FAM210A: variants seen among roughly 807,000 people sequenced by gnomAD.
The protein encoded by FAM210A is mitochondrial inner membrane scaffold 1.
In FAM210A, 13 loss-of-function variants were observed where a neutral mutation model predicts 25.3. The ratio of observed to expected loss-of-function variants is 0.51; its 90% CI spans 0.33 to 0.82. The LOEUF (loss-of-function observed/expected upper bound fraction) is 0.82, where lower values mean the gene tolerates loss of function less well. Ranked by LOEUF, FAM210A falls within the 40% of genes least tolerant of loss-of-function variation. FAM210A has a pLI of 0.02. For synonymous variants in FAM210A, 125 were observed against 118.7 expected, an observed-to-expected ratio of 1.05 and a Z score of -0.35; for missense variants, 319 against 323.2, an observed-to-expected ratio of 0.99 and a Z score of 0.10.
At chr18:13,719,291 C>T (rs549453050) in intron 1 of FAM210A, among the ~76,000 whole-genome samples, 353 of 152,166 alleles carry the variant, frequency 2.3e-3, no homozygotes, top group South Asian at 7.0e-3. Flanking sequence ...TTCATGCTTA[C>T]ATTAAAAATC....
In FAM210A at chr18:13,666,649, C is replaced by T. The variant is rs764696749; in HGVS notation, c.650G>A (p.Arg217His). ...GGTSVTVKYL[R>H]SHGYMSTPPP... ...CGGCGTGGACATGTAGCCATGACTG[C>T]GCAGATACTTCACAGTGACAGATGT... is the stretch of plus-strand genomic sequence containing the variant. The change falls in exon 4 of 4, where the codon CGC (arginine) becomes CAC (histidine). Residue 217 changes from arginine to histidine, a missense_variant. Arg to His is a conservative substitution (Grantham distance 29, BLOSUM62 0). Transcript: ENST00000651643. 35 of 1,614,062 alleles carry T rather than the reference C, an allele frequency of 2.2e-5. No individual in the cohort carries two copies. The highest frequency in any genetic ancestry group is 3.3e-5 in the South Asian group (3 of 91,082).
chr18:13,700,836 C>T (rs758199011), intron 1 of FAM210A, among the ~76,000 whole-genome samples: 66 of 152,190 alleles, frequency 4.3e-4, no homozygotes, highest in Non-Finnish European at 7.9e-4. Flanking sequence ...TTCCAGTGGC[C>T]AGCCATACTT....
chr18:13,687,430 G>A (rs367979779), intron 1 of FAM210A, among the ~76,000 whole-genome samples: 4 of 152,198 alleles, frequency 2.6e-5, no homozygotes, highest in African/African-American at 7.2e-5. Context: ...ATTGAATGAA[G>A]GCACCAGGGA....
At chr18:13,668,903 T>C (rs1224358554) in intron 3 of FAM210A, among the ~76,000 whole-genome samples, 5 of 152,204 alleles carry the variant, frequency 3.3e-5, no homozygotes, top group South Asian at 2.1e-4. Flanking sequence ...CGAAATGCTG[T>C]TGGGTGGCAC....
intron 1 of FAM210A, among the ~76,000 whole-genome samples, chr18:13,701,769 A>G (rs1279676643): frequency 6.6e-5 from 10 of 152,240 alleles, no homozygotes; most frequent in Non-Finnish European, 1.3e-4. Flanking sequence ...AATTAAATCT[A>G]CTAACCTTTT....
intron 1 of FAM210A, among the ~76,000 whole-genome samples, chr18:13,720,336 G>C (rs753685501): frequency 6.6e-6 from 1 of 152,112 alleles, no homozygotes; most frequent in Admixed American, 6.5e-5. Context: ...TTGTAGAGGC[G>C]CCTTTTGTTC....
intron 1 of FAM210A, among the ~76,000 whole-genome samples, chr18:13,719,946 C>T (rs2149071737): frequency 6.6e-6 from 1 of 152,262 alleles, no homozygotes; most frequent in South Asian, 2.1e-4. Context: ...CAAAGTTTGG[C>T]CACTTACTCA....
At chr18:13,694,081 A>G (rs1003519267) in intron 1 of FAM210A, among the ~76,000 whole-genome samples, 1 of 152,238 alleles carries the variant, frequency 6.6e-6, no homozygotes, top group East Asian at 1.9e-4. Flanking sequence ...TACACCAATA[A>G]CAGACAAACA....
intron 1 of FAM210A, among the ~76,000 whole-genome samples, chr18:13,702,000 C>T (rs1265277411): frequency 3.3e-5 from 5 of 152,218 alleles, no homozygotes; most frequent in Non-Finnish European, 7.3e-5. Flanking sequence ...CGCCCCCATG[C>T]AGCTGGTTGG....
chr18:13,672,432 C>T (rs1014142864), intron 2 of FAM210A, among the ~76,000 whole-genome samples: 1 of 152,146 alleles, frequency 6.6e-6, no homozygotes, highest in Non-Finnish European at 1.5e-5. Context: ...TGTTTTGAGA[C>T]AGAATCTTGT....
intron 1 of FAM210A, among the ~76,000 whole-genome samples, chr18:13,698,568 G>A (rs191560633): frequency 3.3e-5 from 5 of 151,902 alleles, no homozygotes; most frequent in African/African-American, 7.2e-5. Context: ...AAGCCCCCCC[G>A]CCATTTTGCA....
chr18:13,690,811 G>C (rs2043637122), intron 1 of FAM210A, among the ~76,000 whole-genome samples: 1 of 152,196 alleles, frequency 6.6e-6, no homozygotes, highest in Admixed American at 6.5e-5. Flanking sequence ...AGAAACCAGA[G>C]CAGAAAAGCT....
At chr18:13,704,843 C>A (rs2043766089) in intron 1 of FAM210A, among the ~76,000 whole-genome samples, 1 of 152,122 alleles carries the variant, frequency 6.6e-6, no homozygotes, top group Non-Finnish European at 1.5e-5. Context: ...GAAATAACCA[C>A]ATTTCCTTGT....
chr18:13,685,979 G>A (rs1001745525), intron 1 of FAM210A, among the ~76,000 whole-genome samples: 19 of 152,004 alleles, frequency 1.2e-4, no homozygotes, highest in African/African-American at 4.1e-4. Flanking sequence ...AGAAAGCAAC[G>A]AACATGAGGA....
chr18:13,666,459 T>C lies in FAM210A; in HGVS notation c.*21A>G, dbSNP rs2043401981. The C allele has an allele frequency of 6.3e-7, 1 of 1,584,554 alleles. No homozygotes were observed. Among genetic ancestry groups the C allele is most frequent in the Non-Finnish European group, 8.6e-7 (1 of 1,156,594 alleles). ...AAAGGGTTAAAGTGCAGGAATTTTC[T>C]ATACTGCTATATAAGGCACCTTATT... On this transcript the variant is annotated 3_prime_UTR_variant, in exon 4 of 4. Coordinates refer to ENST00000651643, the MANE Select transcript of FAM210A (RefSeq NM_152352.4).
In FAM210A at chr18:13,695,175, C is replaced by T. The variant is rs969546870; in HGVS notation, c.-28-13070G>A. Among the ~76,000 whole-genome samples the T allele has an allele frequency of 3.6e-4, 55 of 152,190 alleles. 1 individual carries two copies. The highest frequency in any genetic ancestry group is 9.7e-4 in the African/African-American group (40 of 41,440). Reference sequence around the variant, plus strand: ...AAAACCACAATGAGATACCATCTCACGCCAGTTAGAATGGCGATCATTAAA... The same window carrying T: ...AAAACCACAATGAGATACCATCTCATGCCAGTTAGAATGGCGATCATTAAA... On this transcript the variant is annotated intron_variant, in intron 1 of 3. Transcript: ENST00000651643.
intron 1 of FAM210A, among the ~76,000 whole-genome samples, chr18:13,722,670 G>A (rs1265073294): frequency 1.3e-5 from 2 of 152,140 alleles, no homozygotes; most frequent in Non-Finnish European, 1.5e-5. Context: ...AGGGAATTCA[G>A]TTAGCACTGT....
Position 13,681,744 on chromosome 18 carries a change from G to C in FAM210A, c.334C>G (p.Pro112Ala), listed in dbSNP as rs113181833. The C allele has an allele frequency of 1.2e-5, 19 of 1,614,134 alleles. No homozygotes were observed. The highest frequency in any genetic ancestry group is 6.7e-5 in the East Asian group (3 of 44,882). Residue 112 changes from proline to alanine, a missense_variant, in exon 2 of 4, where the codon CCT (proline) becomes GCT (alanine). Coordinates refer to ENST00000651643, the MANE Select transcript of FAM210A (RefSeq NM_152352.4). ...AQGTPEKKEE[P>A]DPLQDKSISL... ...ATAGATTTGTCTTGCAAAGGATCAGGCTCTTCCTTTTTTTCCGGAGTTCCC... is the reference window on the plus strand; with the variant it reads ...ATAGATTTGTCTTGCAAAGGATCAGCCTCTTCCTTTTTTTCCGGAGTTCCC...
chr18:13,682,171 G>A, intron 1 of FAM210A, 66 bp from the exon 2 acceptor site: 1 of 1,076,836 alleles, frequency 9.3e-7, no homozygotes, highest in South Asian at 1.6e-5. Context: ...CAATTCATTT[G>A]AAAATCAATC....
Sources: gnomAD v4.1 joint callset for allele counts (sites outside exome capture counted in the v4.1 genomes callset) on GRCh38, gnomAD v4.1.1 for gene constraint, MANE v1.5 for transcripts, NCBI Gene and HGNC (gene_info 2026-07-23, HGNC 2026-07-21) for gene names.